HDAC9: variants seen among roughly 807,000 people sequenced by gnomAD.
HDAC9 encodes the protein histone deacetylase 9.
A neutral mutation model predicts 139.4 loss-of-function variants in HDAC9; 41 were observed. That is an observed-to-expected ratio of 0.29 (90% CI 0.23 to 0.38). The LOEUF (loss-of-function observed/expected upper bound fraction) is 0.38, where lower values mean the gene tolerates loss of function less well. HDAC9 is among the 10% of genes least tolerant of loss of function. The probability of loss-of-function intolerance (pLI) is 1.00; values close to 1 mark genes in which losing one functional copy is unlikely to be tolerated. For missense variants in HDAC9, 1,147 were observed against 1,297.0 expected (o/e 0.88, Z 1.78); for synonymous variants, 517 against 476.2 (o/e 1.09, Z -1.12).
chr7:18,593,728 A>C (rs1002748672), intron 5 of HDAC9, among the ~76,000 whole-genome samples, 180 bp from the exon 6 acceptor site: 2 of 152,180 alleles, frequency 1.3e-5, no homozygotes, highest in African/African-American at 2.4e-5. Context: ...GGATCCCTGC[A>C]TCATTCCATA....
intron 1 of HDAC9, among the ~76,000 whole-genome samples, chr7:18,453,865 T>G (rs1465596392): frequency 6.6e-6 from 1 of 151,884 alleles, no homozygotes; most frequent in Non-Finnish European, 1.5e-5. Flanking sequence ...AAAACCAGAG[T>G]CTCATTTAGA....
At chr7:18,692,745 A>T in intron 12 of HDAC9, among the ~76,000 whole-genome samples, 1 of 152,102 alleles carries the variant, frequency 6.6e-6, no homozygotes, top group East Asian at 1.9e-4. Flanking sequence ...GGCTCTGACA[A>T]TCTAATGTCT....
intron 24 of HDAC9, among the ~76,000 whole-genome samples, chr7:18,970,984 A>G (rs1264810120): frequency 6.6e-6 from 1 of 152,106 alleles, no homozygotes; most frequent in Non-Finnish European, 1.5e-5. Flanking sequence ...ACAACTGCCT[A>G]TTTTTCCAAA....
chr7:18,861,132 A>T (rs1278256859), intron 21 of HDAC9, among the ~76,000 whole-genome samples: 2 of 152,184 alleles, frequency 1.3e-5, no homozygotes, highest in East Asian at 3.8e-4. Context: ...ACTTAAAGAC[A>T]CATTTTTGGC....
At chr7:18,304,227 T>G (rs1287464281) in intron 1 of HDAC9, among the ~76,000 whole-genome samples, 1 of 152,374 alleles carries the variant, frequency 6.6e-6, no homozygotes, top group South Asian at 2.1e-4. Flanking sequence ...TGTCATTTAA[T>G]GTTCATGACT....
rs563771325 is a variant in HDAC9 at position 18,744,238 on chromosome 7, C to T, written c.1910-4767C>T. ...AACTCCTGACCTCTAGTGATCTGCC[C>T]GCCTTGGCCTCCCAAAGTGCTGGGA... On this transcript the variant is annotated intron_variant, in intron 13 of 25. Coordinates refer to ENST00000686413, the MANE Select transcript of HDAC9 (RefSeq NM_178425.4). Among the ~76,000 whole-genome samples the T allele has an allele frequency of 5.9e-5, 9 of 152,098 alleles. No homozygotes were observed. In the East Asian group the frequency reaches 7.8e-4, roughly 13 times the overall value.
intron 25 of HDAC9, among the ~76,000 whole-genome samples, chr7:18,982,810 G>A (rs1029217702): frequency 4.6e-5 from 7 of 152,028 alleles, no homozygotes; most frequent in South Asian, 2.1e-4. Flanking sequence ...TTGACAATCC[G>A]GAGTTTCTTC....
At chr7:18,495,642 AC>A (rs1796754801), upstream of HDAC9, 1 of 692,018 alleles carries the variant, frequency 1.4e-6, no homozygotes, top group Non-Finnish European at 1.8e-6. Context: ...GCTCAGGCCG[AC>A]CATTGTTCTA....
intron 2 of HDAC9, among the ~76,000 whole-genome samples, chr7:18,568,842 G>A (rs185013089): frequency 6.6e-6 from 1 of 152,058 alleles, no homozygotes; most frequent in South Asian, 2.1e-4. Flanking sequence ...GAGGTTGGGA[G>A]TTCGAGACCA....
intron 1 of HDAC9, among the ~76,000 whole-genome samples, chr7:18,473,874 C>A (rs1051773804): frequency 2.0e-5 from 3 of 152,146 alleles, no homozygotes; most frequent in Admixed American, 1.3e-4. Context: ...CTAAGAGGAG[C>A]ATTATATTAG....
intron 1 of HDAC9, among the ~76,000 whole-genome samples, chr7:18,435,409 A>C (rs533772374): frequency 1.3e-5 from 2 of 152,244 alleles, no homozygotes; most frequent in South Asian, 4.1e-4. Context: ...ACTGAAAAGT[A>C]TGAAAAAGAA....
intron 2 of HDAC9, among the ~76,000 whole-genome samples, chr7:18,573,032 T>C (rs1012179537): frequency 2.0e-5 from 3 of 152,244 alleles, no homozygotes; most frequent in Admixed American, 2.0e-4. Context: ...TAAATGTTGA[T>C]ATTTCAAGGC....
At chr7:18,498,846 A>G (rs994466799) in intron 2 of HDAC9, among the ~76,000 whole-genome samples, 2 of 152,030 alleles carry the variant, frequency 1.3e-5, no homozygotes, top group Admixed American at 6.6e-5. Context: ...CACTATTAGA[A>G]TTGTTGTTTT....
chr7:18,464,374 TGGCTTAAA>T (rs1232823264), intron 1 of HDAC9, among the ~76,000 whole-genome samples: 20 of 152,022 alleles, frequency 1.3e-4, no homozygotes. Context: ...TGGTAGGTAG[TGGCTTAAA>T]AAGTTCTCAA....
At position 18,849,342 on chromosome 7, in the gene HDAC9, T is replaced by G. The variant is rs978411776; in HGVS notation, c.2684+13345T>G. Among the ~76,000 whole-genome samples, 51 of 152,270 alleles carry G rather than the reference T, an allele frequency of 3.3e-4. 1 individual carries two copies. Among genetic ancestry groups the G allele is most frequent in the African/African-American group, 1.2e-3 (48 of 41,564 alleles). The stretch of plus-strand genomic sequence containing the variant: ...AAGAAAGAAAGGAAGAGAAACAGAA[T>G]TAACAAGAGAGGGAAAAGAGTGTCA... On this transcript the variant is annotated intron_variant, in intron 21 of 25. Transcript: ENST00000686413.
At chr7:18,935,697 A>G in intron 22 of HDAC9, 112 bp from the exon 23 acceptor site, 1 of 917,330 alleles carries the variant, frequency 1.1e-6, no homozygotes, top group Non-Finnish European at 1.7e-6. Context: ...ATGAGTTAGC[A>G]CACAGAAAAT....
At chr7:18,403,327 T>C (rs1307499258) in intron 1 of HDAC9, among the ~76,000 whole-genome samples, 1 of 152,196 alleles carries the variant, frequency 6.6e-6, no homozygotes, top group Non-Finnish European at 1.5e-5. Flanking sequence ...AATGGCATAC[T>C]AGGTCTTATG....
At chr7:18,213,642 A>G (rs1006683702) in intron 2 of HDAC9, among the ~76,000 whole-genome samples, 2 of 152,198 alleles carry the variant, frequency 1.3e-5, no homozygotes, top group Non-Finnish European at 2.9e-5. Context: ...CAGACAAAAT[A>G]GTAAAGCTAA....
In HDAC9 at chr7:18,801,238, T is replaced by G. The variant is rs184677831; in HGVS notation, c.2322+7786T>G. Among the ~76,000 whole-genome samples, 134 of 152,242 alleles carry G rather than the reference T, an allele frequency of 8.8e-4. 1 individual carries two copies. Among genetic ancestry groups the G allele is most frequent in the African/African-American group, 3.2e-3 (134 of 41,578 alleles). ...ATATTATGTTTACTACAGGCTATTG[T>G]AAATATTTTATATTTTGTGGAAGAA... On this transcript the variant is annotated intron_variant, in intron 17 of 25. Transcript: ENST00000686413.
Sources: allele counts gnomAD v4.1 joint callset (sites outside exome capture counted in the v4.1 genomes callset), GRCh38; gene constraint gnomAD v4.1.1; transcripts MANE v1.5; gene names NCBI Gene and HGNC (gene_info 2026-07-23, HGNC 2026-07-21).